LMBR1: variants seen among roughly 807,000 people sequenced by gnomAD.
LMBR1 encodes limb region 1 protein homolog.
LMBR1 carries 52 observed loss-of-function variants against 73.9 expected under a neutral mutation model. That is an observed-to-expected ratio of 0.70 (90% CI 0.56 to 0.89). The LOEUF (loss-of-function observed/expected upper bound fraction) is 0.89, where lower values mean the gene tolerates loss of function less well. Ranked by LOEUF, LMBR1 falls within the 40% of genes least tolerant of loss-of-function variation. The pLI is 0.00. For missense variants in LMBR1, 539 were observed against 579.8 expected (o/e 0.93, Z 0.72); for synonymous variants, 215 against 209.4 (o/e 1.03, Z -0.23).
intron 15 of LMBR1, among the ~76,000 whole-genome samples, chr7:156,719,455 G>A (rs1814013077): frequency 6.6e-6 from 1 of 152,014 alleles, no homozygotes; most frequent in African/African-American, 2.4e-5. Flanking sequence ...AATAAAAGAG[G>A]TTACAAACAA....
chr7:156,747,775 A>G (rs1318962330), intron 9 of LMBR1: 2 of 152,256 alleles, frequency 1.3e-5, no homozygotes, highest in African/African-American at 2.4e-5. Flanking sequence ...ATTTGACCAA[A>G]GTGATCTCTA....
intron 5 of LMBR1, among the ~76,000 whole-genome samples, chr7:156,772,337 C>G (rs940744485): frequency 2.5e-4 from 38 of 152,234 alleles, no homozygotes; most frequent in African/African-American, 8.7e-4. Context: ...ATTCAACATC[C>G]CTTCATGTTA....
chr7:156,800,161 T>C (rs1830695484), intron 4 of LMBR1, among the ~76,000 whole-genome samples: 1 of 152,132 alleles, frequency 6.6e-6, no homozygotes, highest in African/African-American at 2.4e-5. Flanking sequence ...AAACAACAGA[T>C]TTTCAAGGTA....
intron 5 of LMBR1, among the ~76,000 whole-genome samples, chr7:156,781,641 A>C (rs1207671647): frequency 6.6e-6 from 1 of 152,184 alleles, no homozygotes. Flanking sequence ...TTCTATTTTA[A>C]AATAAAAGTT....
At chr7:156,728,378 T>C (rs1296234670) in intron 11 of LMBR1, among the ~76,000 whole-genome samples, 1 of 152,240 alleles carries the variant, frequency 6.6e-6, no homozygotes, top group African/African-American at 2.4e-5. Context: ...TGCAACACCT[T>C]GTTTTCTTAA....
Position 156,792,346 on chromosome 7 carries a change from C to T in LMBR1, c.423+4043G>A, listed in dbSNP as rs148379729. ...ATCAGTTGAAAAATTAAGATGTAAA[C>T]GGAGTCACTTTCAAATACCTATGAA... On this transcript the variant is annotated intron_variant, in intron 5 of 16. Coordinates refer to ENST00000353442, the MANE Select transcript of LMBR1 (RefSeq NM_022458.4). Among the ~76,000 whole-genome samples, 39 of 152,232 alleles carry T rather than the reference C, an allele frequency of 2.6e-4. No individual in the cohort carries two copies. In the East Asian group the frequency reaches 6.2e-3, roughly 24 times the overall value.
chr7:156,676,594 C>T (rs779674010), downstream of LMBR1: 55 of 1,614,186 alleles, frequency 3.4e-5, no homozygotes, highest in Non-Finnish European at 4.4e-5. Flanking sequence ...GGAGACAGGC[C>T]TCCTTTCCAT....
chr7:156,775,317 G>A (rs1043566583), intron 5 of LMBR1, among the ~76,000 whole-genome samples: 20 of 152,014 alleles, frequency 1.3e-4, no homozygotes, highest in African/African-American at 4.6e-4. Context: ...GCAGTGAGCC[G>A]AGGTCAAGCC....
chr7:156,717,494 G>T (rs1041293746), intron 15 of LMBR1, among the ~76,000 whole-genome samples: 30 of 152,092 alleles, frequency 2.0e-4, no homozygotes, highest in African/African-American at 5.8e-4. Context: ...GGCCAGAGAA[G>T]CAGAGGGAAA....
downstream of LMBR1, among the ~76,000 whole-genome samples, chr7:156,674,975 C>T (rs947113715): frequency 2.6e-5 from 4 of 152,126 alleles, no homozygotes; most frequent in African/African-American, 9.7e-5. Context: ...AAACAATATA[C>T]CCTTTTCCCC....
intron 15 of LMBR1, among the ~76,000 whole-genome samples, chr7:156,700,980 G>C (rs772954508): frequency 2.7e-4 from 41 of 152,164 alleles, no homozygotes; most frequent in Admixed American, 3.9e-4. Flanking sequence ...CAGCAAGAGA[G>C]AATGTGAGCT....
intron 1 of LMBR1, among the ~76,000 whole-genome samples, chr7:156,880,784 C>G (rs932977233): frequency 1.3e-5 from 2 of 152,106 alleles, no homozygotes; most frequent in African/African-American, 4.8e-5. Context: ...TCCCGAGTAG[C>G]TGGGATTACA....
At chr7:156,892,886 CG>C in intron 1 of LMBR1, 41 bp downstream of exon 1, 1 of 1,384,136 alleles carries the variant, frequency 7.2e-7, no homozygotes, top group Non-Finnish European at 9.4e-7. Context: ...AGGGCCCGGG[CG>C]GGCACGCGGG....
At chr7:156,873,428 G>T (rs1451781328) in intron 1 of LMBR1, among the ~76,000 whole-genome samples, 1 of 152,162 alleles carries the variant, frequency 6.6e-6, no homozygotes, top group Non-Finnish European at 1.5e-5. Context: ...ATTGCAAAGA[G>T]CGAAAGAACA....
chr7:156,889,752 T>G (rs898366455), intron 1 of LMBR1, among the ~76,000 whole-genome samples: 5 of 152,112 alleles, frequency 3.3e-5, no homozygotes, highest in Admixed American at 1.3e-4. Flanking sequence ...TAATTAAAAG[T>G]AAAGCCAAAG....
At chr7:156,697,156 T>G (rs1181890178) in intron 15 of LMBR1, among the ~76,000 whole-genome samples, 11 of 151,904 alleles carry the variant, frequency 7.2e-5, no homozygotes, top group Admixed American at 7.2e-4. Context: ...AACCAGCAAG[T>G]TTTTATTAAG....
chr7:156,719,903 T>C (rs1288480261), intron 15 of LMBR1, among the ~76,000 whole-genome samples: 2 of 151,700 alleles, frequency 1.3e-5, no homozygotes. Context: ...GCTAGCCATA[T>C]GTAGAAAGCT....
At chr7:156,790,630 T>A (rs901956088) in intron 5 of LMBR1, among the ~76,000 whole-genome samples, 2 of 151,876 alleles carry the variant, frequency 1.3e-5, no homozygotes, top group African/African-American at 4.8e-5. Context: ...GTGATGTTTT[T>A]AAAAAAAGCT....
In LMBR1 at chr7:156,680,384, G is replaced by GAGAC. The variant is rs141511654; in HGVS notation, c.*3693_*3694insGTCT. ...TATACGTATCTGAGAGACAGAGAGA[G>GAGAC]AGAGAGAGAGAGAGAGAGAGTGTGT... is the stretch of plus-strand genomic sequence containing the variant. On this transcript the variant is annotated 3_prime_UTR_variant, in exon 17 of 17. Coordinates refer to ENST00000353442, the MANE Select transcript of LMBR1 (RefSeq NM_022458.4). The GAGAC allele has an allele frequency of 3.5e-5, 5 of 141,908 alleles. No individual in the cohort carries two copies. Among genetic ancestry groups the GAGAC allele is most frequent in the Non-Finnish European group, 4.5e-5 (3 of 66,098 alleles). The allele number at this position is 141,908 out of a possible 1,614,324, so 8.8% of individuals were successfully genotyped here.
Sources: allele counts gnomAD v4.1 joint callset (sites outside exome capture counted in the v4.1 genomes callset), GRCh38; gene constraint gnomAD v4.1.1; transcripts MANE v1.5; gene names NCBI Gene and HGNC (gene_info 2026-07-23, HGNC 2026-07-21).